The following COLEC12 variants were observed in gnomAD, a reference collection of about 807,000 sequenced individuals.
The protein encoded by COLEC12 is collectin subfamily member 12.
COLEC12 carries 33 observed loss-of-function variants against 71.1 expected under a neutral mutation model. The ratio of observed to expected loss-of-function variants is 0.46; its 90% CI spans 0.35 to 0.62. The LOEUF (loss-of-function observed/expected upper bound fraction) is 0.62. Ranked by LOEUF, COLEC12 falls within the 20% of genes least tolerant of loss-of-function variation. The pLI, the probability that COLEC12 is intolerant of heterozygous loss-of-function variation, is 0.00. For missense variants in COLEC12, 765 were observed against 916.1 expected, an observed-to-expected ratio of 0.84 and a Z score of 2.13; for synonymous variants, 350 against 353.0, an observed-to-expected ratio of 0.99 and a Z score of 0.10.
Position 395,571 on chromosome 18 carries a change from T to C in COLEC12, c.59-38049A>G, listed in dbSNP as rs549271713. Among the ~76,000 whole-genome samples the C allele has an allele frequency of 9.1e-4, 139 of 152,354 alleles. 2 individuals are homozygous for C. Among genetic ancestry groups the C allele is most frequent in the Non-Finnish European group, 2.9e-5 (2 of 68,034 alleles). ...AAGTTTAATCTGAGTTCACAGCTCA[T>C]GCATTCCAAGAGGGTACTGTACTTG... On this transcript the variant is annotated intron_variant, in intron 2 of 9. Coordinates refer to ENST00000400256, the MANE Select transcript of COLEC12 (RefSeq NM_130386.3).
intron 5 of COLEC12, among the ~76,000 whole-genome samples, chr18:342,050 G>A (rs1914265067): frequency 6.6e-6 from 1 of 152,076 alleles, no homozygotes. Context: ...CAAAAAATAA[G>A]GTTTTCTTTT....
rs1233566999 is a variant in COLEC12 at position 471,455 on chromosome 18, G to A, written c.58+9252C>T. Among the ~76,000 whole-genome samples, 4 of 150,906 alleles carry A rather than the reference G, an allele frequency of 2.7e-5. No individual in the cohort carries two copies. The East Asian group carries it at 7.8e-4, about 29-fold the overall frequency. ...GTTCATTCATTCACTTCTCTATTAT[G>A]CTGATGTCTTGTTTTTGATGTCTTC... On this transcript the variant is annotated intron_variant, in intron 2 of 9. Coordinates refer to ENST00000400256, the MANE Select transcript of COLEC12 (RefSeq NM_130386.3).
chr18:473,526 G>T (rs1276615762), intron 2 of COLEC12, among the ~76,000 whole-genome samples: 2 of 147,618 alleles, frequency 1.4e-5, no homozygotes, highest in Non-Finnish European at 3.0e-5. Context: ...ACAGCGCTCA[G>T]CTAATTTTGT....
chr18:349,892 A>T (rs1425320749), intron 3 of COLEC12, among the ~76,000 whole-genome samples: 1 of 152,128 alleles, frequency 6.6e-6, no homozygotes, highest in African/African-American at 2.4e-5. Context: ...AATACCTGTA[A>T]CCCTCATTGT....
intron 2 of COLEC12, among the ~76,000 whole-genome samples, chr18:472,264 G>A (rs1917212770): frequency 6.6e-6 from 1 of 152,172 alleles, no homozygotes; most frequent in South Asian, 2.1e-4. Context: ...TCTTAGCCAC[G>A]ATGACAGGTC....
At position 486,811 on chromosome 18, in the gene COLEC12, T is replaced by C. The variant is rs55817033; in HGVS notation, c.8-6054A>G. ...AAGCAGTTGGCTATAACCAAAAAGA[T>C]AGACAACAAGTGTTGGCAAAGATAG... On this transcript the variant is annotated intron_variant, in intron 1 of 9. Coordinates refer to ENST00000400256, the MANE Select transcript of COLEC12 (RefSeq NM_130386.3). Among the ~76,000 whole-genome samples the C allele has an allele frequency of 3.6e-3, 547 of 152,336 alleles. 5 individuals are homozygous for C. Among genetic ancestry groups the C allele is most frequent in the African/African-American group, 0.013 (521 of 41,584 alleles).
Position 452,023 on chromosome 18 carries a change from G to C in COLEC12, c.58+28684C>G, listed in dbSNP as rs9303952. Among the ~76,000 whole-genome samples the C allele has an allele frequency of 2.0e-5, 3 of 152,238 alleles. No homozygotes were observed. The South Asian group carries it at 6.2e-4, about 32-fold the overall frequency. The stretch of plus-strand genomic sequence containing the variant: ...CTTAAACTCTTCTCTATTTTTTAAA[G>C]ATGAAGCCTTTTCTCATACCTAGAT... On this transcript the variant is annotated intron_variant, in intron 2 of 9. Coordinates refer to ENST00000400256, the MANE Select transcript of COLEC12 (RefSeq NM_130386.3).
In COLEC12 at chr18:335,078, C is replaced by T. The variant is rs1474498152; in HGVS notation, c.1480G>A (p.Gly494Arg). 3.1e-6 allele frequency: 5 copies of T among 1,611,372 alleles called. No homozygotes were observed. The highest frequency in any genetic ancestry group is 4.2e-6 in the Non-Finnish European group (5 of 1,179,172). Residue 494 changes from glycine (G) to arginine (R), a missense_variant, in exon 6 of 10, where the codon GGA becomes AGA. By Grantham distance (125) the Gly-to-Arg change is moderately radical. Transcript: ENST00000400256. ...TTAGATCCTTTGCCGCCACGCTCTC[C>T]GGGGGGACCAGCTGGTCCAATTGGG... The part of the protein sequence containing the change: ...RGPIGPAGPP[G>R]ERGGKGSKGS...
intron 8 of COLEC12, among the ~76,000 whole-genome samples, chr18:328,294 A>G (rs983188816): frequency 1.3e-5 from 2 of 152,310 alleles, no homozygotes; most frequent in South Asian, 2.1e-4. Context: ...ATGCAAAGAC[A>G]AGGAGAGTAA....
chr18:483,423 T>C (rs953549040), intron 1 of COLEC12, among the ~76,000 whole-genome samples: 3 of 150,628 alleles, frequency 2.0e-5, no homozygotes, highest in African/African-American at 7.3e-5. Flanking sequence ...AAAAATCACA[T>C]GTGAGACAGT....
At chr18:333,384 C>G (rs893076488) in intron 6 of COLEC12, 6 of 400,658 alleles carry the variant, frequency 1.5e-5, no homozygotes, top group Non-Finnish European at 4.5e-6. Context: ...CTTTGTTCTT[C>G]TGTGTCTGGA....
At chr18:343,628 T>C (rs971916181) in intron 5 of COLEC12, among the ~76,000 whole-genome samples, 1 of 152,068 alleles carries the variant, frequency 6.6e-6, no homozygotes, top group African/African-American at 2.4e-5. Context: ...CCTTCTAGGC[T>C]CTCTCTGGGG....
rs747133472 is a variant in COLEC12, at chr18:335,066, C to T, written c.1492G>A (p.Gly498Ser). 3.4e-5 allele frequency: 55 copies of T among 1,609,072 alleles called. No individual in the cohort carries two copies. Among genetic ancestry groups the T allele is most frequent in the Admixed American group, 5.1e-5 (3 of 58,944 alleles). ...CCCTGGGAGCCTTTAGATCCTTTGCCGCCACGCTCTCCGGGGGGACCAGCT... is the reference window on the plus strand; with the variant it reads ...CCCTGGGAGCCTTTAGATCCTTTGCTGCCACGCTCTCCGGGGGGACCAGCT... Reference protein sequence around the residue: ...GPAGPPGERGGKGSKGSQGPK... With the variant: ...GPAGPPGERGSKGSKGSQGPK... The change falls in exon 6 of 10, where the codon GGC becomes AGC. Residue 498 changes from glycine (G) to serine (S), a missense_variant. Physicochemically the swap from Gly to Ser is moderately conservative, Grantham distance 56. Transcript: ENST00000400256.
intron 2 of COLEC12, among the ~76,000 whole-genome samples, chr18:466,820 A>G (rs1917098108): frequency 6.6e-6 from 1 of 152,148 alleles, no homozygotes; most frequent in South Asian, 2.1e-4. Context: ...TTTATTCCTA[A>G]GTCCCTGGCC....
intron 2 of COLEC12, among the ~76,000 whole-genome samples, chr18:464,246 G>C (rs1441098847): frequency 6.6e-6 from 1 of 152,182 alleles, no homozygotes; most frequent in East Asian, 1.9e-4. Flanking sequence ...GCAACCTTGA[G>C]AGCAGAAGTC....
At chr18:373,780 G>GC (rs1456125082) in intron 2 of COLEC12, among the ~76,000 whole-genome samples, 1 of 152,052 alleles carries the variant, frequency 6.6e-6, no homozygotes, top group African/African-American at 2.4e-5. Context: ...CTGCAGGTGA[G>GC]CATTGACTCA....
chr18:459,585 T>C (rs1315796173), intron 2 of COLEC12, among the ~76,000 whole-genome samples: 2 of 152,178 alleles, frequency 1.3e-5, no homozygotes, highest in Non-Finnish European at 2.9e-5. Flanking sequence ...TAAAGCCAGG[T>C]CCACATCAAG....
intron 2 of COLEC12, among the ~76,000 whole-genome samples, chr18:431,496 A>C (rs115588525): frequency 0.01 from 1,538 of 152,336 alleles, 29 homozygotes; most frequent in African/African-American, 0.035. Context: ...ATGAATGAAT[A>C]ACCTATAGAC....
chr18:369,287 T>C (rs1375011535), intron 2 of COLEC12, among the ~76,000 whole-genome samples: 2 of 152,148 alleles, frequency 1.3e-5, no homozygotes, highest in African/African-American at 2.4e-5. Flanking sequence ...AACTAATCTG[T>C]CCATATAGAC....
Sources: allele counts gnomAD v4.1 joint callset (sites outside exome capture counted in the v4.1 genomes callset), GRCh38; gene constraint gnomAD v4.1.1; transcripts MANE v1.5; gene names NCBI Gene and HGNC (gene_info 2026-07-23, HGNC 2026-07-21).